SGK3: variants seen among roughly 807,000 people sequenced by gnomAD.
The protein encoded by SGK3 is serine/threonine-protein kinase Sgk3.
In SGK3, 47 loss-of-function variants were observed where a neutral mutation model predicts 68.5. That is an observed-to-expected ratio of 0.69 (90% confidence interval 0.54 to 0.87). The LOEUF (loss-of-function observed/expected upper bound fraction) is 0.87, where lower values mean the gene tolerates loss of function less well. Ranked by LOEUF, SGK3 falls within the 40% of genes least tolerant of loss-of-function variation. The probability of loss-of-function intolerance (pLI) is 0.00; values close to 1 mark genes in which losing one functional copy is unlikely to be tolerated. For synonymous variants in SGK3, 181 were observed against 189.1 expected (o/e 0.96, Z 0.35); for missense variants, 479 against 575.5 (o/e 0.83, Z 1.72).
intron 1 of SGK3, among the ~76,000 whole-genome samples, chr8:66,760,632 C>A (rs1215601310): frequency 6.6e-6 from 1 of 151,946 alleles, no homozygotes; most frequent in Non-Finnish European, 1.5e-5. Flanking sequence ...CTGTGCCCGG[C>A]CACTTTGTTC....
At position 66,822,407 on chromosome 8, in the gene SGK3, C is replaced by T. The variant is rs1585769606; in HGVS notation, c.365C>T (p.Pro122Leu). 3.1e-6 allele frequency: 5 copies of T among 1,610,650 alleles called. No homozygotes were observed. The highest frequency in any genetic ancestry group is 4.5e-5 in the East Asian group (2 of 44,680). ...DVRAFLQMDS[P>L]KHQSDPSEDE... ...AGAGCATTCCTTCAAATGGACAGTC[C>T]AAAACACCAGTCAGATCCATCTGAA... is the stretch of plus-strand genomic sequence containing the variant. Residue 122 changes from proline to leucine, a missense_variant, in exon 6 of 17, where the codon CCA becomes CTA. Physicochemically the swap from Pro to Leu is moderately conservative, Grantham distance 98. Transcript: ENST00000521198.
At position 66,798,512 on chromosome 8, in the gene SGK3, G is replaced by A. The variant is rs766610953; in HGVS notation, c.97-30G>A. On this transcript the variant is annotated intron_variant, in intron 2 of 16. Coordinates refer to ENST00000521198, the MANE Select transcript of SGK3 (RefSeq NM_001033578.3). Reference sequence around the variant, plus strand: ...AATGGGTTTTTTGCAATTAAATTGTGTTATATTATGTAATTTTTTATTTCC... The same window carrying A: ...AATGGGTTTTTTGCAATTAAATTGTATTATATTATGTAATTTTTTATTTCC... 1.9e-6 allele frequency: 3 copies of A among 1,577,840 alleles called. No individual in the cohort carries two copies. The East Asian group carries it at 6.8e-5, about 36-fold the overall frequency.
intron 3 of SGK3, among the ~76,000 whole-genome samples, chr8:66,800,166 C>G (rs1161163828): frequency 6.6e-6 from 1 of 151,618 alleles, no homozygotes; most frequent in Non-Finnish European, 1.5e-5. Context: ...ATGGTGAAAC[C>G]CCGTCTCTAC....
chr8:66,744,030 C>T (rs922901415), intron 1 of SGK3, among the ~76,000 whole-genome samples: 5 of 152,168 alleles, frequency 3.3e-5, no homozygotes, highest in Non-Finnish European at 5.9e-5. Context: ...GGGCTGGATC[C>T]TTTGCTGCTT....
At chr8:66,757,718 C>T (rs963846105) in intron 1 of SGK3, among the ~76,000 whole-genome samples, 4 of 150,906 alleles carry the variant, frequency 2.7e-5, no homozygotes, top group African/African-American at 9.7e-5. Flanking sequence ...AGTTTGAGAC[C>T]AGCCTGGCCA....
At chr8:66,822,790 T>G (rs1215622974) in intron 6 of SGK3, among the ~76,000 whole-genome samples, 2 of 152,106 alleles carry the variant, frequency 1.3e-5, no homozygotes, top group Non-Finnish European at 2.9e-5. Context: ...GGCTAATTTT[T>G]GCATTTTTTC....
At chr8:66,722,685 G>A (rs905920665) in intron 1 of SGK3, among the ~76,000 whole-genome samples, 5 of 152,156 alleles carry the variant, frequency 3.3e-5, no homozygotes, top group African/African-American at 1.2e-4. Context: ...GTATTAGGTC[G>A]TTCTTGCATT....
chr8:66,742,347 A>G (rs1439005006), intron 1 of SGK3, among the ~76,000 whole-genome samples: 2 of 152,072 alleles, frequency 1.3e-5, no homozygotes, highest in African/African-American at 2.4e-5. Context: ...GTCACATGTT[A>G]TATATTTCTC....
chr8:66,845,358 C>T (rs1809963314), intron 14 of SGK3, among the ~76,000 whole-genome samples: 1 of 151,792 alleles, frequency 6.6e-6, no homozygotes, highest in African/African-American at 2.4e-5. Context: ...GAGATCATGC[C>T]ACTGCACTCC....
intron 1 of SGK3, among the ~76,000 whole-genome samples, chr8:66,748,959 A>G (rs1179747563): frequency 6.6e-6 from 1 of 152,006 alleles, no homozygotes; most frequent in African/African-American, 2.4e-5. Context: ...CAGTGACACT[A>G]TCTTGACCCA....
intron 1 of SGK3, among the ~76,000 whole-genome samples, chr8:66,790,008 G>A (rs1018772939): frequency 6.6e-6 from 1 of 152,078 alleles, no homozygotes; most frequent in Non-Finnish European, 1.5e-5. Context: ...AACCCTGGAG[G>A]TGGAGGTTAC....
At chr8:66,776,278 C>T (rs937416557) in intron 1 of SGK3, among the ~76,000 whole-genome samples, 1 of 152,168 alleles carries the variant, frequency 6.6e-6, no homozygotes, top group Middle Eastern at 3.2e-3. Flanking sequence ...TGTTCCAAAA[C>T]AGGGATCAAA....
chr8:66,804,559 T>G, intron 4 of SGK3, 112 bp downstream of exon 4: 2 of 1,099,164 alleles, frequency 1.8e-6, no homozygotes, highest in Non-Finnish European at 2.6e-6. Context: ...GATCTTATGC[T>G]CTGTGAAAAT....
intron 1 of SGK3, among the ~76,000 whole-genome samples, chr8:66,787,068 C>T (rs981489686): frequency 6.6e-6 from 1 of 151,208 alleles, no homozygotes; most frequent in Non-Finnish European, 1.5e-5. Flanking sequence ...CTCAGCCCTC[C>T]GAGTAGCTGG....
chr8:66,805,422 G>A (rs1266468894), intron 4 of SGK3, among the ~76,000 whole-genome samples: 1 of 151,816 alleles, frequency 6.6e-6, no homozygotes, highest in East Asian at 1.9e-4. Context: ...GGGAGGCTGA[G>A]GCAGGAGAAT....
chr8:66,760,706 T>G (rs1806141425), intron 1 of SGK3, among the ~76,000 whole-genome samples: 1 of 152,194 alleles, frequency 6.6e-6, no homozygotes, highest in Non-Finnish European at 1.5e-5. Context: ...TCCGTCATCA[T>G]TTCAAGTAAA....
In SGK3 at chr8:66,745,772, G is replaced by A. The variant is rs560991867; in HGVS notation, c.-122+32939G>A. ...CAAGAACCATGTGCCAGCAGGTTTG[G>A]TGTCTGGTCTCTGCTTCCAAGATGC... On this transcript the variant is annotated intron_variant, in intron 1 of 16. Transcript: ENST00000521198. 1.2e-4 allele frequency among the ~76,000 whole-genome samples: 18 copies of A among 152,288 alleles called. No individual in the cohort carries two copies. The South Asian group carries it at 3.7e-3, about 32-fold the overall frequency.
intron 1 of SGK3, among the ~76,000 whole-genome samples, chr8:66,740,855 C>T (rs1247682787): frequency 4.9e-5 from 7 of 142,876 alleles, no homozygotes; most frequent in Non-Finnish European, 6.0e-5. Context: ...TGCGGTGAGC[C>T]GAGATTGCGC....
chr8:66,836,044 T>G lies in SGK3; in HGVS notation c.711T>G (p.Tyr237Ter). ...CCTTCCAAACAACTGAAAAGCTTTA[T>G]TTTGTTCTGGATTTTGTTAATGGAG... is the stretch of plus-strand genomic sequence containing the variant. ...HYSFQTTEKL[Y>*]FVLDFVNGGE... The change falls in exon 10 of 17, where the codon TAT becomes TAG. Residue 237 changes from tyrosine (Y) to a stop codon, truncating the protein, a stop_gained. Transcript: ENST00000521198. LOFTEE classifies it high-confidence loss of function. 6.2e-7 allele frequency: 1 copy of G among 1,613,574 alleles called. No individual in the cohort carries two copies. Among genetic ancestry groups the G allele is most frequent in the Non-Finnish European group, 8.5e-7 (1 of 1,179,798 alleles).
Sources: gnomAD v4.1 joint callset for allele counts (sites outside exome capture counted in the v4.1 genomes callset) on GRCh38, gnomAD v4.1.1 for gene constraint, MANE v1.5 for transcripts, NCBI Gene and HGNC (gene_info 2026-07-23, HGNC 2026-07-21) for gene names.